The following GABRG3 variants were observed in gnomAD, a reference collection of about 807,000 sequenced individuals.
GABRG3 encodes gamma-aminobutyric acid type A receptor subunit gamma3.
Under a neutral mutation model 48.8 loss-of-function variants are expected in GABRG3, and 25 were observed. The ratio of observed to expected loss-of-function variants is 0.51; its 90% CI spans 0.37 to 0.72. GABRG3 has a LOEUF of 0.72. GABRG3 is among the 30% of genes least tolerant of loss of function. The probability of loss-of-function intolerance (pLI) is 0.00; values close to 1 mark genes in which losing one functional copy is unlikely to be tolerated. For missense variants in GABRG3, 394 were observed against 577.9 expected (o/e 0.68, Z 3.26); for synonymous variants, 227 against 217.6 (o/e 1.04, Z -0.38).
intron 3 of GABRG3, among the ~76,000 whole-genome samples, chr15:27,210,787 C>G (rs1054162322): frequency 6.6e-6 from 1 of 152,212 alleles, no homozygotes; most frequent in African/African-American, 2.4e-5. Context: ...GGGACACAGC[C>G]TCCACTGGGA....
At chr15:27,282,614 T>A (rs1300453745) in intron 3 of GABRG3, among the ~76,000 whole-genome samples, 2 of 152,220 alleles carry the variant, frequency 1.3e-5, no homozygotes, top group Non-Finnish European at 2.9e-5. Context: ...TTTTTTCATT[T>A]GTGTCCATAG....
chr15:26,977,863 G>A (rs973956364), intron 2 of GABRG3, among the ~76,000 whole-genome samples: 7 of 152,170 alleles, frequency 4.6e-5, no homozygotes, highest in Non-Finnish European at 4.4e-5. Flanking sequence ...TGGGTTGTGC[G>A]ACAGCAGTAT....
chr15:27,056,413 G>A (rs577120232), intron 3 of GABRG3, among the ~76,000 whole-genome samples: 1 of 150,370 alleles, frequency 6.7e-6, no homozygotes, highest in African/African-American at 2.4e-5. Flanking sequence ...TTGAGATATT[G>A]AACCCGTTGT....
chr15:27,356,212 A>G (rs371135642), intron 5 of GABRG3, among the ~76,000 whole-genome samples: 1 of 152,310 alleles, frequency 6.6e-6, no homozygotes, highest in East Asian at 1.9e-4. Flanking sequence ...TTTCCATGAT[A>G]ATTTCAAAAA....
intron 5 of GABRG3, among the ~76,000 whole-genome samples, chr15:27,420,992 C>G (rs1229673363): frequency 6.6e-6 from 1 of 152,104 alleles, no homozygotes; most frequent in Non-Finnish European, 1.5e-5. Flanking sequence ...GAATTTAAAA[C>G]AAACAAAAAA....
At chr15:27,224,205 G>A (rs1392060081) in intron 3 of GABRG3, among the ~76,000 whole-genome samples, 2 of 152,144 alleles carry the variant, frequency 1.3e-5, no homozygotes, top group African/African-American at 4.8e-5. Flanking sequence ...TTTCATCCCC[G>A]GTGCTTTCCG....
At position 27,090,550 on chromosome 15, in the gene GABRG3, T is replaced by C. The variant is rs541639190; in HGVS notation, c.270+63729T>C. 5.3e-5 allele frequency among the ~76,000 whole-genome samples: 8 copies of C among 152,298 alleles called. No individual in the cohort carries two copies. In the East Asian group the frequency reaches 1.3e-3, roughly 26 times the overall value. Reference sequence around the variant, plus strand: ...TCCTCCACATCCTCTACAACACTTATTTTATTTTAGTTTCATGGTCATCCT... The same window carrying C: ...TCCTCCACATCCTCTACAACACTTACTTTATTTTAGTTTCATGGTCATCCT... On this transcript the variant is annotated intron_variant, in intron 3 of 9. Transcript: ENST00000615808.
At chr15:27,014,032 TACAA>T (rs1455892876) in intron 2 of GABRG3, among the ~76,000 whole-genome samples, 2 of 152,162 alleles carry the variant, frequency 1.3e-5, no homozygotes, top group Non-Finnish European at 2.9e-5. Flanking sequence ...CCTTAATTTC[TACAA>T]ACAATGTTTT....
Position 27,368,846 on chromosome 15 carries a change from G to C in GABRG3, c.574+39958G>C, listed in dbSNP as rs1052780107. Among the ~76,000 whole-genome samples, 3 of 152,280 alleles carry C rather than the reference G, an allele frequency of 2.0e-5. No homozygotes were observed. The East Asian group carries it at 5.8e-4, about 29-fold the overall frequency. On this transcript the variant is annotated intron_variant, in intron 5 of 9. Coordinates refer to ENST00000615808, the MANE Select transcript of GABRG3 (RefSeq NM_033223.5). ...AATGGAGTTTGCTGGGTGTGGGAAG[G>C]TACTGGGGAATGGAAGGCATTGAGG...
At chr15:27,322,567 C>T (rs549973043) in intron 3 of GABRG3, among the ~76,000 whole-genome samples, 119 of 152,304 alleles carry the variant, frequency 7.8e-4, no homozygotes, top group Non-Finnish European at 8.5e-4. Context: ...GAAAGGCTAA[C>T]TCTAGGCAGG....
intron 3 of GABRG3, among the ~76,000 whole-genome samples, chr15:27,097,763 C>G (rs542317179): frequency 6.6e-6 from 1 of 152,166 alleles, no homozygotes; most frequent in Non-Finnish European, 1.5e-5. Context: ...ACTCAACAGC[C>G]TGAATATTCA....
At chr15:27,234,655 G>C (rs1351586178) in intron 3 of GABRG3, among the ~76,000 whole-genome samples, 1 of 152,178 alleles carries the variant, frequency 6.6e-6, no homozygotes, top group Non-Finnish European at 1.5e-5. Context: ...GCTCTGGGAT[G>C]ATCACCTTTT....
intron 5 of GABRG3, among the ~76,000 whole-genome samples, chr15:27,393,566 T>A (rs184780275): frequency 1.3e-5 from 2 of 152,274 alleles, no homozygotes; most frequent in Admixed American, 1.3e-4. Flanking sequence ...AGTTACATCA[T>A]GGATCATTCT....
intron 6 of GABRG3, among the ~76,000 whole-genome samples, chr15:27,499,137 T>G (rs1385740432): frequency 2.0e-5 from 3 of 152,208 alleles, no homozygotes; most frequent in South Asian, 4.1e-4. Context: ...ATTTGTCATA[T>G]TGATAATTAC....
chr15:27,117,949 TG>T (rs1336126317), intron 3 of GABRG3, among the ~76,000 whole-genome samples: 2 of 152,062 alleles, frequency 1.3e-5, no homozygotes, highest in African/African-American at 4.8e-5. Flanking sequence ...AACATGCAGG[TG>T]TAAGACCTAG....
At chr15:27,393,344 C>CAAAA (rs34689012) in intron 5 of GABRG3, among the ~76,000 whole-genome samples, 8 of 112,984 alleles carry the variant, frequency 7.1e-5, no homozygotes, top group East Asian at 6.6e-4. Context: ...ACTCCGTCTC[C>CAAAA]AAAAAAAAAA....
chr15:27,341,551 G>A (rs1177306296), intron 5 of GABRG3, among the ~76,000 whole-genome samples: 1 of 152,034 alleles, frequency 6.6e-6, no homozygotes, highest in East Asian at 1.9e-4. Context: ...TCCTTACCTT[G>A]ACTTTGAAGT....
chr15:27,089,454 A>G (rs748127754), intron 3 of GABRG3, among the ~76,000 whole-genome samples: 2 of 152,064 alleles, frequency 1.3e-5, no homozygotes, highest in Admixed American at 6.6e-5. Flanking sequence ...TGGCATTAGT[A>G]TGGTTCAGTC....
intron 2 of GABRG3, among the ~76,000 whole-genome samples, chr15:26,978,958 A>G (rs1895002419): frequency 6.6e-6 from 1 of 152,192 alleles, no homozygotes; most frequent in African/African-American, 2.4e-5. Context: ...CTTCCAATCC[A>G]TGCATATGAT....
Sources: allele counts gnomAD v4.1 joint callset (sites outside exome capture counted in the v4.1 genomes callset), GRCh38; gene constraint gnomAD v4.1.1; transcripts MANE v1.5; gene names NCBI Gene and HGNC (gene_info 2026-07-23, HGNC 2026-07-21).